The following SHROOM2 variants were observed in gnomAD, a reference collection of about 807,000 sequenced individuals.
SHROOM2 encodes the protein protein Shroom2.
In SHROOM2, 33 loss-of-function variants were observed where a neutral mutation model predicts 75.9. The observed-to-expected ratio is 0.43, with a 90% CI of 0.33 to 0.58. The LOEUF is 0.58. SHROOM2 is among the 20% of genes least tolerant of loss of function. SHROOM2 has a pLI of 0.04. For synonymous variants in SHROOM2, 655 were observed against 663.6 expected (o/e 0.99, Z 0.20); for missense variants, 1,434 against 1,461.2 (o/e 0.98, Z 0.30).
chrX:9,809,200 G>A (rs757970835), intron 1 of SHROOM2, among the ~76,000 whole-genome samples: 2 of 111,004 alleles, frequency 1.8e-5, no homozygotes, highest in Non-Finnish European at 3.8e-5. Context: ...TAGGCCATCT[G>A]CAAGCTGAGG....
At chrX:9,933,709 G>A (rs2084673214) in intron 6 of SHROOM2, among the ~76,000 whole-genome samples, 2 of 112,255 alleles carry the variant, frequency 1.8e-5, no homozygotes, top group Admixed American at 9.4e-5. Context: ...CCTGGAGGTC[G>A]AGGCTGCAGT....
chrX:9,831,968 C>T (rs1340574920), intron 1 of SHROOM2, among the ~76,000 whole-genome samples: 1 of 111,594 alleles, frequency 9.0e-6, no homozygotes, highest in Non-Finnish European at 1.9e-5. Context: ...TGGGGGAACA[C>T]ACACATTCAG....
intron 2 of SHROOM2, among the ~76,000 whole-genome samples, chrX:9,883,375 A>T (rs781650927): frequency 1.8e-5 from 2 of 112,116 alleles, no homozygotes; most frequent in South Asian, 7.5e-4. Context: ...TGAGAACAGT[A>T]GAGGGGGAGG....
chrX:9,917,477 C>T (rs1045740161), intron 5 of SHROOM2, among the ~76,000 whole-genome samples: 2 of 108,474 alleles, frequency 1.8e-5, no homozygotes, highest in Admixed American at 1.0e-4. Context: ...AAGAGCTTCT[C>T]GGTCACCAGT....
At chrX:9,799,731 G>A (rs1287967305) in intron 1 of SHROOM2, among the ~76,000 whole-genome samples, 5 of 109,601 alleles carry the variant, frequency 4.6e-5, no homozygotes, top group Non-Finnish European at 9.5e-5. Context: ...GTGCTTCCTC[G>A]AGATAACGTG....
At chrX:9,823,011 T>TCTTCTTCTC (rs1293565034) in intron 1 of SHROOM2, among the ~76,000 whole-genome samples, 23 of 80,380 alleles carry the variant, frequency 2.9e-4, no homozygotes, top group East Asian at 2.7e-3. Flanking sequence ...TTCTTCTTCT[T>TCTTCTTCTC]CTTCTCCTTC....
At chrX:9,940,668 C>T (rs985770450) in intron 8 of SHROOM2, among the ~76,000 whole-genome samples, 3 of 112,482 alleles carry the variant, frequency 2.7e-5, no homozygotes, top group East Asian at 5.6e-4. Flanking sequence ...CCTGCTTTCC[C>T]GCAGCCACAC....
At chrX:9,806,652 G>T (rs1203469676) in intron 1 of SHROOM2, among the ~76,000 whole-genome samples, 1 of 88,547 alleles carries the variant, frequency 1.1e-5, no homozygotes, top group Admixed American at 1.4e-4. Flanking sequence ...GCAACCTCCA[G>T]TGTATATATA....
At chrX:9,821,291 A>G (rs1339331212) in intron 1 of SHROOM2, among the ~76,000 whole-genome samples, 1 of 112,043 alleles carries the variant, frequency 8.9e-6, no homozygotes, top group Non-Finnish European at 1.9e-5. Flanking sequence ...AATTTTAACA[A>G]CTGGCTCAGA....
At chrX:9,818,803 G>T (rs1424536414) in intron 1 of SHROOM2, 1 of 481,011 alleles carries the variant, frequency 2.1e-6, no homozygotes, top group African/African-American at 2.4e-5. Flanking sequence ...CAGGATGTTG[G>T]CCCGCTCCTC....
intron 1 of SHROOM2, among the ~76,000 whole-genome samples, chrX:9,851,232 C>T (rs2084037679): frequency 9.1e-6 from 1 of 110,355 alleles, no homozygotes. Flanking sequence ...TGGTCTTGAA[C>T]TCATGGCGTC....
intron 1 of SHROOM2, among the ~76,000 whole-genome samples, chrX:9,807,496 C>T (rs897005379): frequency 2.7e-5 from 3 of 111,372 alleles, no homozygotes; most frequent in South Asian, 3.8e-4. Context: ...AAGGCCTTGG[C>T]GTATTGCAAA....
chrX:9,910,983 C>T (rs943915851), intron 5 of SHROOM2, among the ~76,000 whole-genome samples: 1 of 110,602 alleles, frequency 9.0e-6, no homozygotes, highest in African/African-American at 3.3e-5. Flanking sequence ...CACACCCAGC[C>T]CTATAATAAA....
chrX:9,894,069 G>A (rs17327524), intron 3 of SHROOM2, among the ~76,000 whole-genome samples: 20,125 of 110,485 alleles, frequency 0.18, 1,601 homozygotes, highest in East Asian at 0.46. Flanking sequence ...GCCTGCCAAC[G>A]ATCCGGGCAT....
chrX:9,912,748 A>G (rs986344308), intron 5 of SHROOM2: 22 of 111,752 alleles, frequency 2.0e-4, no homozygotes, highest in African/African-American at 6.8e-4. Flanking sequence ...TCAGCTCACA[A>G]TGCTGTGGGT....
At position 9,947,768 on chromosome X, in the gene SHROOM2, G is replaced by C. The variant is rs1048657901; in HGVS notation, c.*831G>C. 8.9e-6 allele frequency: 1 copy of C among 112,260 alleles called. No homozygotes were observed. The highest frequency in any genetic ancestry group is 4.2e-3 in the Middle Eastern group (1 of 239). 9.3% of individuals were successfully genotyped at this position (112,260 alleles called of 1,213,427 possible). A position where few individuals can be genotyped will look rare whatever the true frequency, so the allele number is the denominator to read the frequency against. ...TCAAGACCAACAGAAGATTTTTTCA[G>C]TTACTTTCCCCCCATGTATTTTGTA... On this transcript the variant is annotated 3_prime_UTR_variant, in exon 10 of 10. Transcript: ENST00000380913.
intron 7 of SHROOM2, among the ~76,000 whole-genome samples, chrX:9,938,901 T>A (rs2084741626): frequency 8.9e-6 from 1 of 112,401 alleles, no homozygotes; most frequent in Non-Finnish European, 1.9e-5. Flanking sequence ...CTGGTAGAGA[T>A]CATCTGTGCT....
chrX:9,932,554 G>T lies in SHROOM2; in HGVS notation c.3271G>T (p.Gly1091Cys). 8.3e-7 allele frequency: 1 copy of T among 1,211,313 alleles called. No homozygotes were observed. The highest frequency in any genetic ancestry group is 1.1e-6 in the Non-Finnish European group (1 of 895,322). ...APADAPVGVLGRPFPTPSPAS... is the reference protein window; with the variant it reads ...APADAPVGVLCRPFPTPSPAS... Reference sequence around the variant, plus strand: ...TGCTGACGCCCCCGTGGGCGTCCTCGGCAGGCCCTTCCCAACGCCATCCCC... The same window carrying T: ...TGCTGACGCCCCCGTGGGCGTCCTCTGCAGGCCCTTCCCAACGCCATCCCC... Residue 1091 changes from glycine (G) to cysteine (C), a missense_variant, in exon 6 of 10, where the codon GGC becomes TGC. By Grantham distance (159) the Gly-to-Cys change is radical (BLOSUM62 -3). Around this residue, in one of 3 missense-constraint regions of SHROOM2, gnomAD observed 1,340 missense variants for 1,338.3 expected, o/e 1.00. Coordinates refer to ENST00000380913, the MANE Select transcript of SHROOM2 (RefSeq NM_001649.4).
Position 9,845,424 on chromosome X carries a change from A to G in SHROOM2, c.166-28228A>G, listed in dbSNP as rs186132835. On this transcript the variant is annotated intron_variant, in intron 1 of 9. Transcript: ENST00000380913. Reference sequence around the variant, plus strand: ...CAGTTAGCCGGGGTCACAGTTCTCCATAACTTCTCCCCCTGCTTCCTGCTG... The same window carrying G: ...CAGTTAGCCGGGGTCACAGTTCTCCGTAACTTCTCCCCCTGCTTCCTGCTG... Among the ~76,000 whole-genome samples the G allele has an allele frequency of 3.0e-3, 333 of 111,991 alleles. 4 individuals are homozygous for G. Among genetic ancestry groups the G allele is most frequent in the Admixed American group, 0.028 (298 of 10,543 alleles).
Sources: allele counts gnomAD v4.1 joint callset (sites outside exome capture counted in the v4.1 genomes callset), GRCh38; gene constraint gnomAD v4.1.1; regional missense constraint gnomAD v4.1.1; transcripts MANE v1.5; gene names NCBI Gene and HGNC (gene_info 2026-07-23, HGNC 2026-07-21).